Variants in RBFOX1 observed in about 807,000 individuals in gnomAD.
The protein encoded by RBFOX1 is RNA binding protein fox-1 homolog 1.
RBFOX1 carries 8 observed loss-of-function variants against 57.7 expected under a neutral mutation model. That is an observed-to-expected ratio of 0.14 (90% CI 0.08 to 0.25). RBFOX1 has a LOEUF of 0.25. RBFOX1 is among the 10% of genes least tolerant of loss of function. RBFOX1 has a pLI of 1.00. For missense variants in RBFOX1, 611 were observed against 548.5 expected (o/e 1.11, Z -1.14); for synonymous variants, 326 against 222.4 (o/e 1.47, Z -4.15).
intron 2 of RBFOX1, among the ~76,000 whole-genome samples, chr16:6,449,411 T>C (rs1272116986): frequency 2.0e-5 from 3 of 152,222 alleles, no homozygotes; most frequent in African/African-American, 7.2e-5. Flanking sequence ...TTCCAGGCTG[T>C]GAGTTTCTTT....
At chr16:6,976,603 G>T (rs1239793631) in intron 3 of RBFOX1, among the ~76,000 whole-genome samples, 1 of 151,446 alleles carries the variant, frequency 6.6e-6, no homozygotes, top group African/African-American at 2.4e-5. Context: ...ACAGAGTAGG[G>T]CGTTCCCGAA....
At chr16:6,516,668 A>G (rs541806160) in intron 2 of RBFOX1, among the ~76,000 whole-genome samples, 2 of 152,326 alleles carry the variant, frequency 1.3e-5, no homozygotes, top group East Asian at 3.9e-4. Flanking sequence ...GATTGTCAAG[A>G]TTTCAGTAAC....
At chr16:7,058,348 C>T (rs1208752068) in intron 4 of RBFOX1, among the ~76,000 whole-genome samples, 1 of 152,098 alleles carries the variant, frequency 6.6e-6, no homozygotes, top group East Asian at 1.9e-4. Flanking sequence ...AGGGAGTGTG[C>T]CTCAGGATGA....
intron 3 of RBFOX1, among the ~76,000 whole-genome samples, chr16:5,692,142 A>C (rs1012160676): frequency 6.6e-6 from 1 of 151,626 alleles, no homozygotes; most frequent in African/African-American, 2.4e-5. Flanking sequence ...ACAAATACCA[A>C]ACCCATGCAT....
chr16:6,156,414 T>C lies in RBFOX1; in HGVS notation c.-127+136422T>C, dbSNP rs114994663. Among the ~76,000 whole-genome samples, 565 of 152,352 alleles carry C rather than the reference T, an allele frequency of 3.7e-3. 4 individuals carry two copies. Among genetic ancestry groups the C allele is most frequent in the African/African-American group, 0.013 (532 of 41,590 alleles). ...AAATGCTTTGACCAACAATAAAACA[T>C]TTCCTTGCCAGTGATTTGTCTTGGA... On this transcript the variant is annotated intron_variant, in intron 1 of 15. Transcript: ENST00000550418.
At chr16:7,426,657 G>T (rs1363913599) in intron 4 of RBFOX1, among the ~76,000 whole-genome samples, 4 of 152,160 alleles carry the variant, frequency 2.6e-5, no homozygotes, top group Middle Eastern at 3.2e-3. Context: ...GGAGGTTGTG[G>T]GTTGACACAA....
intron 3 of RBFOX1, among the ~76,000 whole-genome samples, chr16:6,995,973 A>C (rs981863433): frequency 6.6e-6 from 1 of 152,184 alleles, no homozygotes; most frequent in Non-Finnish European, 1.5e-5. Context: ...GTCCCTAATT[A>C]CTTTTTCCCA....
chr16:6,668,087 C>T (rs1325680847), intron 3 of RBFOX1, among the ~76,000 whole-genome samples: 2 of 152,120 alleles, frequency 1.3e-5, no homozygotes, highest in Non-Finnish European at 2.9e-5. Flanking sequence ...CCTCAATTAC[C>T]TGTCTAGAGT....
intron 2 of RBFOX1, among the ~76,000 whole-genome samples, chr16:6,428,724 G>T (rs532290099): frequency 2.0e-5 from 3 of 152,106 alleles, no homozygotes; most frequent in African/African-American, 7.2e-5. Flanking sequence ...ACTGGGCTAC[G>T]TAAACAAAAT....
At chr16:6,158,244 G>A (rs1203310150) in intron 1 of RBFOX1, among the ~76,000 whole-genome samples, 1 of 152,158 alleles carries the variant, frequency 6.6e-6, no homozygotes, top group Non-Finnish European at 1.5e-5. Flanking sequence ...TGTCTGAATC[G>A]GTATTTTGCT....
intron 1 of RBFOX1, among the ~76,000 whole-genome samples, chr16:5,306,849 C>G (rs2151210913): frequency 6.6e-6 from 1 of 152,266 alleles, no homozygotes; most frequent in South Asian, 2.1e-4. Context: ...AAGTTTCAGC[C>G]TCCTCCATGT....
At chr16:7,026,980 C>G (rs1367692017) in intron 3 of RBFOX1, among the ~76,000 whole-genome samples, 1 of 152,134 alleles carries the variant, frequency 6.6e-6, no homozygotes, top group Non-Finnish European at 1.5e-5. Flanking sequence ...CTGAAGCATA[C>G]ATCAGCACCC....
intron 4 of RBFOX1, among the ~76,000 whole-genome samples, chr16:7,257,711 C>G (rs781505865): frequency 2.0e-4 from 31 of 152,300 alleles, no homozygotes; most frequent in Non-Finnish European, 3.7e-4. Context: ...AAATCTCTCC[C>G]TTGCTCTGTT....
At chr16:6,266,310 T>G (rs1380746805) in intron 1 of RBFOX1, among the ~76,000 whole-genome samples, 5 of 152,250 alleles carry the variant, frequency 3.3e-5, no homozygotes, top group African/African-American at 4.8e-5. Context: ...CAGTTGTTAC[T>G]GCAGCGTCTA....
At chr16:7,518,446 G>C in intron 5 of RBFOX1, 57 bp downstream of exon 5, 2 of 1,548,358 alleles carry the variant, frequency 1.3e-6, no homozygotes, top group South Asian at 2.5e-5. Context: ...CCCAGCCCTG[G>C]TAATGGCAGC....
intron 14 of RBFOX1, among the ~76,000 whole-genome samples, chr16:7,679,775 C>T (rs2074272954): frequency 6.6e-6 from 1 of 151,966 alleles, no homozygotes; most frequent in East Asian, 1.9e-4. Flanking sequence ...TATCTCGGAG[C>T]AACCTGAGAG....
chr16:7,140,585 T>C (rs1378501226), intron 4 of RBFOX1, among the ~76,000 whole-genome samples: 2 of 152,116 alleles, frequency 1.3e-5, no homozygotes, highest in Non-Finnish European at 2.9e-5. Context: ...CATCTTTCTA[T>C]TTTTTTAAAG....
chr16:6,836,117 C>G (rs2093075957), intron 3 of RBFOX1, among the ~76,000 whole-genome samples: 1 of 152,176 alleles, frequency 6.6e-6, no homozygotes, highest in African/African-American at 2.4e-5. Context: ...TCATGCATTC[C>G]TTTTCTACAA....
chr16:7,596,096 T>C (rs1182891314), intron 8 of RBFOX1, among the ~76,000 whole-genome samples: 2 of 2,558 alleles, frequency 7.8e-4, no homozygotes, highest in African/African-American at 2.9e-3. Flanking sequence ...TTTTGTTTGT[T>C]TTTTTTTGTT....
Sources: gnomAD v4.1 joint callset for allele counts (sites outside exome capture counted in the v4.1 genomes callset) on GRCh38, gnomAD v4.1.1 for gene constraint, MANE v1.5 for transcripts, NCBI Gene and HGNC (gene_info 2026-07-23, HGNC 2026-07-21) for gene names.